MTURN: variants seen among roughly 807,000 people sequenced by gnomAD.
The protein encoded by MTURN is maturin, neural progenitor differentiation regulator homolog.
In MTURN, 7 loss-of-function variants were observed where a neutral mutation model predicts 14.9. The observed-to-expected ratio is 0.47, with a 90% CI of 0.27 to 0.88. MTURN has a LOEUF of 0.88. Among genes scored for constraint, MTURN ranks in the 40% least tolerant of loss-of-function variants. MTURN has a pLI of 0.14. For synonymous variants in MTURN, 69 were observed against 72.5 expected, an observed-to-expected ratio of 0.95 and a Z score of 0.25; for missense variants, 151 against 174.1, an observed-to-expected ratio of 0.87 and a Z score of 0.75.
At chr7:30,156,782 G>A (rs1259813590) in intron 2 of MTURN, among the ~76,000 whole-genome samples, 3 of 151,062 alleles carry the variant, frequency 2.0e-5, no homozygotes, top group African/African-American at 7.3e-5. Context: ...CCGAGATTGC[G>A]CCACTGCACT....
intron 1 of MTURN, among the ~76,000 whole-genome samples, chr7:30,139,512 G>A (rs147361387): frequency 1.8e-4 from 28 of 152,232 alleles, no homozygotes; most frequent in African/African-American, 6.7e-4. Context: ...CTTCTTATTG[G>A]GCCTCACAGA....
intron 1 of MTURN, chr7:30,137,758 A>T (rs1796988481): frequency 2.2e-6 from 1 of 451,114 alleles, no homozygotes; most frequent in Admixed American, 2.5e-5. Flanking sequence ...TTTTCCCTGG[A>T]AAATGTATTA....
At chr7:30,150,757 G>A (rs1797199069) in intron 2 of MTURN, among the ~76,000 whole-genome samples, 2 of 152,184 alleles carry the variant, frequency 1.3e-5, no homozygotes, top group South Asian at 4.1e-4. Flanking sequence ...GGCCCAGGAG[G>A]AAGTCCAGGA....
intron 1 of MTURN, 78 bp from the exon 2 acceptor site, chr7:30,146,099 T>C (rs1797124662): frequency 6.2e-7 from 1 of 1,602,364 alleles, no homozygotes; most frequent in Non-Finnish European, 8.5e-7. Flanking sequence ...GAAAATCTGC[T>C]TGGCTTTTCT....
chr7:30,140,131 A>T (rs1393852740), intron 1 of MTURN, among the ~76,000 whole-genome samples: 1 of 152,146 alleles, frequency 6.6e-6, no homozygotes, highest in South Asian at 2.1e-4. Context: ...GTCTTAGGCC[A>T]CGAGAAATGA....
intron 2 of MTURN, among the ~76,000 whole-genome samples, chr7:30,152,243 C>T (rs912520601): frequency 1.3e-5 from 2 of 151,786 alleles, no homozygotes; most frequent in Non-Finnish European, 2.9e-5. Flanking sequence ...AGAGTGCCTC[C>T]TCCTGCCCAT....
chr7:30,155,358 T>C (rs1253531154), intron 2 of MTURN, among the ~76,000 whole-genome samples: 1 of 152,248 alleles, frequency 6.6e-6, no homozygotes, highest in Non-Finnish European at 1.5e-5. Context: ...TTACCACTTA[T>C]TTGACACTTT....
chr7:30,147,860 GC>G (rs1797151223), intron 2 of MTURN, among the ~76,000 whole-genome samples: 1 of 152,152 alleles, frequency 6.6e-6, no homozygotes, highest in South Asian at 2.1e-4. Flanking sequence ...AATTTTCTAA[GC>G]CAGTTTGGCA....
intron 1 of MTURN, among the ~76,000 whole-genome samples, chr7:30,135,703 C>T (rs1796941610): frequency 6.6e-6 from 1 of 152,198 alleles, no homozygotes; most frequent in African/African-American, 2.4e-5. Context: ...GGCGCACGGA[C>T]CCTCCGGCAG....
At chr7:30,143,165 T>G (rs919165615) in intron 1 of MTURN, among the ~76,000 whole-genome samples, 12 of 152,140 alleles carry the variant, frequency 7.9e-5, no homozygotes, top group African/African-American at 2.7e-4. Context: ...CTGTTAATTT[T>G]CCTGAAGAGC....
chr7:30,138,847 G>A (rs555078866), intron 1 of MTURN, among the ~76,000 whole-genome samples: 5 of 152,206 alleles, frequency 3.3e-5, no homozygotes, highest in Admixed American at 6.5e-5. Flanking sequence ...TGTGCCAAGC[G>A]CATTCCTGCC....
chr7:30,138,173 T>A (rs1432498854), intron 1 of MTURN, among the ~76,000 whole-genome samples: 2 of 152,164 alleles, frequency 1.3e-5, no homozygotes, highest in Non-Finnish European at 2.9e-5. Flanking sequence ...TGGAGTGTAG[T>A]GGCGTAATCT....
At chr7:30,157,353 AT>A (rs779713084) in intron 2 of MTURN, 84 bp from the exon 3 acceptor site, 92 of 1,161,062 alleles carry the variant, frequency 7.9e-5, no homozygotes, top group Non-Finnish European at 1.0e-4. Context: ...GTACTCTTTA[AT>A]GTGGATCCGA....
At position 30,160,476 on chromosome 7, in the gene MTURN, G is replaced by A. The variant is rs1797353155; in HGVS notation, c.*2928G>A. The stretch of plus-strand genomic sequence containing the variant: ...CTTACCTGAGAGTGAGAGATGTGTA[G>A]GAAGAATAGCTGGAAGAAAGTGAAA... On this transcript the variant is annotated 3_prime_UTR_variant, in exon 3 of 3. Transcript: ENST00000324453. 1 of 152,250 alleles carries A rather than the reference G, an allele frequency of 6.6e-6. No individual in the cohort carries two copies. The highest frequency in any genetic ancestry group is 1.5e-5 in the Non-Finnish European group (1 of 68,074). The allele number at this position is 152,250 out of a possible 1,614,324, so 9.4% of individuals were successfully genotyped here.
chr7:30,143,714 A>G (rs1014118470), intron 1 of MTURN, among the ~76,000 whole-genome samples: 4 of 152,192 alleles, frequency 2.6e-5, no homozygotes, highest in Non-Finnish European at 5.9e-5. Flanking sequence ...TTCCTTCAAC[A>G]TATAGTCCTA....
intron 2 of MTURN, among the ~76,000 whole-genome samples, chr7:30,147,635 C>T (rs1276302655): frequency 1.7e-5 from 1 of 58,538 alleles, no homozygotes; most frequent in African/African-American, 1.1e-4. Flanking sequence ...GTTTGGCTTA[C>T]CCTCTCCTGG....
rs1174174563 is a variant in MTURN at position 30,162,120 on chromosome 7, G to T, written c.*4572G>T. On this transcript the variant is annotated 3_prime_UTR_variant, in exon 3 of 3. Coordinates refer to ENST00000324453, the MANE Select transcript of MTURN (RefSeq NM_152793.3). ...GCACTATAAGGCTGAATAGGCACAA[G>T]CGATTAAAAGTAGATGCCAGGCCAC... 1 of 152,004 alleles carries T rather than the reference G, an allele frequency of 6.6e-6. No homozygotes were observed. Among genetic ancestry groups the T allele is most frequent in the African/African-American group, 2.4e-5 (1 of 41,294 alleles). The allele number at this position is 152,004 out of a possible 1,614,324, so 9.4% of individuals were successfully genotyped here.
intron 1 of MTURN, among the ~76,000 whole-genome samples, chr7:30,137,027 A>G (rs745588073): frequency 1.8e-4 from 27 of 151,364 alleles, no homozygotes; most frequent in Admixed American, 3.3e-4. Flanking sequence ...CTGTAAGCCC[A>G]TCTTAACTGT....
intron 2 of MTURN, among the ~76,000 whole-genome samples, chr7:30,150,770 C>T (rs113449700): frequency 4.1e-3 from 627 of 152,264 alleles, no homozygotes; most frequent in Non-Finnish European, 6.2e-3. Context: ...GTCCAGGAAG[C>T]GTCCATCTTG....
Sources: gnomAD v4.1 joint callset for allele counts (sites outside exome capture counted in the v4.1 genomes callset) on GRCh38, gnomAD v4.1.1 for gene constraint, MANE v1.5 for transcripts, NCBI Gene and HGNC (gene_info 2026-07-23, HGNC 2026-07-21) for gene names.